Variants in CALY observed in about 807,000 individuals in gnomAD.
CALY encodes calcyon neuron specific vesicular protein.
CALY carries 15 observed loss-of-function variants against 20.2 expected under a neutral mutation model. That is an observed-to-expected ratio of 0.74 (90% CI 0.50 to 1.14). CALY has a LOEUF of 1.14. CALY is among the 50% of genes most tolerant of loss of function. The pLI, the probability that CALY is intolerant of heterozygous loss-of-function variation, is 0.00. For missense variants in CALY, 270 were observed against 304.4 expected, an observed-to-expected ratio of 0.89 and a Z score of 0.84; for synonymous variants, 129 against 131.8, an observed-to-expected ratio of 0.98 and a Z score of 0.15.
chr10:133,327,646 G>T (rs985755591), intron 3 of CALY: 4 of 610,976 alleles, frequency 6.5e-6, no homozygotes, highest in South Asian at 3.8e-5. Flanking sequence ...AGCAGCACTC[G>T]CGGGCACTTC....
chr10:133,330,582 T>C (rs12762134), intron 1 of CALY, among the ~76,000 whole-genome samples: 115,732 of 126,918 alleles, frequency 0.91, 53,041 homozygotes, highest in East Asian at 1. Context: ...GGCGTGAACC[T>C]GGGAGGCGGA....
At chr10:133,334,739 G>A (rs1848401478) in intron 1 of CALY, among the ~76,000 whole-genome samples, 1 of 152,016 alleles carries the variant, frequency 6.6e-6, no homozygotes, top group South Asian at 2.1e-4. Flanking sequence ...TAGGGGATGG[G>A]GGAGGCCACT....
At chr10:133,325,710 G>T in intron 5 of CALY, 89 bp downstream of exon 5, 1 of 565,030 alleles carries the variant, frequency 1.8e-6, no homozygotes, top group Non-Finnish European at 2.5e-6. Flanking sequence ...GAAGGGAAGG[G>T]TGGCGGGGGT....
Position 133,325,823 on chromosome 10 carries a change from G to T in CALY, c.*4C>A. On this transcript the variant is annotated 3_prime_UTR_variant, in exon 5 of 6. Transcript: ENST00000252939. ...CCCCGGGCCGGGCTGCGGGGCTGGA[G>T]ACGTCACTGCGCGGGCGGGGGCGCC... 8.2e-7 allele frequency: 1 copy of T among 1,214,290 alleles called. No homozygotes were observed. Among genetic ancestry groups the T allele is most frequent in the Non-Finnish European group, 1.0e-6 (1 of 976,700 alleles). 75.2% of individuals were successfully genotyped at this position (1,214,290 alleles called of 1,614,324 possible).
Position 133,325,801 on chromosome 10 carries a change from C to A in CALY, c.*26G>T, listed in dbSNP as rs988996128. 8.5e-7 allele frequency: 1 copy of A among 1,181,668 alleles called. No homozygotes were observed. The highest frequency in any genetic ancestry group is 4.2e-5 in the South Asian group (1 of 23,660). 73.2% of individuals were successfully genotyped at this position (1,181,668 alleles called of 1,614,324 possible). A position where few individuals can be genotyped will look rare whatever the true frequency, so the allele number is the denominator to read the frequency against. On this transcript the variant is annotated splice_region_variant and 3_prime_UTR_variant, in exon 5 of 6. Transcript: ENST00000252939. ...GGAGCCCCGCGGCGCGCACCTACCC[C>A]GGGCCGGGCTGCGGGGCTGGAGACG...
chr10:133,325,654 C>A (rs1848189263), intron 5 of CALY, 88 bp from the exon 6 acceptor site: 1 of 381,788 alleles, frequency 2.6e-6, no homozygotes, highest in African/African-American at 2.1e-5. Context: ...CTCGGATTCG[C>A]AACCCCCAAC....
Position 133,324,551 on chromosome 10 carries a change from G to A in CALY, c.*1044C>T, listed in dbSNP as rs1302269394. On this transcript the variant is annotated 3_prime_UTR_variant, in exon 6 of 6. Coordinates refer to ENST00000252939, the MANE Select transcript of CALY (RefSeq NM_015722.4). ...ATTGGCTGGGGTGGGCGGGGCTGCA[G>A]TGCTGCAATTGGCTGGGGTGGGCGG... 1 of 321,982 alleles carries A rather than the reference G, an allele frequency of 3.1e-6. No homozygotes were observed. The highest frequency in any genetic ancestry group is 6.2e-6 in the Non-Finnish European group (1 of 161,004). The allele number at this position is 321,982 out of a possible 1,614,324, so 19.9% of individuals were successfully genotyped here.
At chr10:133,335,174 C>G (rs1848416980) in intron 1 of CALY, among the ~76,000 whole-genome samples, 1 of 152,068 alleles carries the variant, frequency 6.6e-6, no homozygotes, top group African/African-American at 2.4e-5. Context: ...GGAGCTTGGC[C>G]CGCGGGGGTG....
Position 133,326,908 on chromosome 10 carries a change from C to T in CALY, c.330G>A (p.Gln110=), listed in dbSNP as rs1848223151. The T allele has an allele frequency of 6.2e-7, 1 of 1,609,988 alleles. No homozygotes were observed. The highest frequency in any genetic ancestry group is 1.3e-5 in the African/African-American group (1 of 74,928). ...GCAGGAAGCCGTCGGGGCAGGTGAACTGGTCGTACCAGATGGCCTTGTACA... is the reference window on the plus strand; with the variant it reads ...GCAGGAAGCCGTCGGGGCAGGTGAATTGGTCGTACCAGATGGCCTTGTACA... ...LIMYKAIWYD[Q]FTCPDGFLLR... The change falls in exon 4 of 6, where the codon CAG becomes CAA. Residue 110 remains glutamine (Q), a synonymous_variant. Transcript: ENST00000252939.
chr10:133,324,190 A>G lies in CALY; in HGVS notation c.*1405T>C, dbSNP rs1330231192. The stretch of plus-strand genomic sequence containing the variant: ...CCTCCCTTGCAGGCCATCAGGGCCA[A>G]TTCAGTTCTGCGTGTGCTTGTTCAT... On this transcript the variant is annotated 3_prime_UTR_variant, in exon 6 of 6. Transcript: ENST00000252939. The G allele has an allele frequency of 2.8e-6, 1 of 359,938 alleles. No homozygotes were observed. Among genetic ancestry groups the G allele is most frequent in the Non-Finnish European group, 5.6e-6 (1 of 177,390 alleles). The allele number at this position is 359,938 out of a possible 1,614,324, so 22.3% of individuals were successfully genotyped here.
In CALY at chr10:133,324,528, T is replaced by C. The variant is rs1848172083; in HGVS notation, c.*1067A>G. On this transcript the variant is annotated 3_prime_UTR_variant, in exon 6 of 6. Transcript: ENST00000252939. ...GTGGGCGGGGCTGCAGTGCTGCAAT[T>C]GGCTGGGGTGGGCGGGGCTGCAGTG... 3.2e-6 allele frequency: 1 copy of C among 307,716 alleles called. No individual in the cohort carries two copies. The highest frequency in any genetic ancestry group is 2.8e-5 in the African/African-American group (1 of 36,300). The allele number at this position is 307,716 out of a possible 1,614,324, so 19.1% of individuals were successfully genotyped here.
rs763108049 is a variant in CALY, at chr10:133,324,324, C to A, written c.*1271G>T. On this transcript the variant is annotated 3_prime_UTR_variant, in exon 6 of 6. Transcript: ENST00000252939. ...AGCTCACCATGGCTTCCCTGGCAGGCCCAGTTCACAGGCTTCCTGGGCACT... is the reference window on the plus strand; with the variant it reads ...AGCTCACCATGGCTTCCCTGGCAGGACCAGTTCACAGGCTTCCTGGGCACT... 2.2e-6 allele frequency: 1 copy of A among 455,636 alleles called. No homozygotes were observed. The highest frequency in any genetic ancestry group is 4.4e-6 in the Non-Finnish European group (1 of 226,818). 28.2% of individuals were successfully genotyped at this position (455,636 alleles called of 1,614,324 possible). A position where few individuals can be genotyped will look rare whatever the true frequency, so the allele number is the denominator to read the frequency against.
chr10:133,333,311 C>T (rs1216292364), intron 1 of CALY, among the ~76,000 whole-genome samples: 31 of 77,816 alleles, frequency 4.0e-4, no homozygotes, highest in African/African-American at 1.4e-3. Flanking sequence ...GGGAAGGATC[C>T]GAGGGGTGAG....
chr10:133,332,860 G>A (rs1247764704), intron 1 of CALY, among the ~76,000 whole-genome samples: 4 of 152,114 alleles, frequency 2.6e-5, no homozygotes, highest in Non-Finnish European at 4.4e-5. Context: ...TGAAACCCAA[G>A]GATTGCTTGG....
In CALY at chr10:133,329,392, C is replaced by CTTTTTTTT. The variant is rs112012967; in HGVS notation, c.-20-391_-20-384dup. ...TCTTATTCTCCTTCTTCTTCTTCTT[C>CTTTTTTTT]TTTTTTTTTTTTGAGACAGGATCTT... On this transcript the variant is annotated intron_variant, in intron 1 of 5. Coordinates refer to ENST00000252939, the MANE Select transcript of CALY (RefSeq NM_015722.4). 1.8e-3 allele frequency among the ~76,000 whole-genome samples: 251 copies of CTTTTTTTT among 137,436 alleles called. 2 individuals are homozygous for CTTTTTTTT. The highest frequency in any genetic ancestry group is 7.1e-3 in the African/African-American group (244 of 34,526). 90.2% of individuals were successfully genotyped at this position (137,436 alleles called of 152,430 possible). A position where few individuals can be genotyped will look rare whatever the true frequency, so the allele number is the denominator to read the frequency against.
chr10:133,327,319 A>G (rs1037028500), intron 3 of CALY: 2 of 496,392 alleles, frequency 4.0e-6, no homozygotes, highest in Non-Finnish European at 7.2e-6. Context: ...ATGGGGCCGC[A>G]GCCTCAGGGG....
At chr10:133,327,391 A>G in intron 3 of CALY, 1 of 473,870 alleles carries the variant, frequency 2.1e-6, no homozygotes, top group Non-Finnish European at 3.7e-6. Context: ...CATGTGTGGT[A>G]ACATGAGCTG....
chr10:133,326,806 G>A (rs1848220503), intron 4 of CALY, 72 bp downstream of exon 4: 1 of 974,180 alleles, frequency 1.0e-6, no homozygotes, highest in Non-Finnish European at 1.6e-6. Context: ...AGACACCCCT[G>A]CCACCCCCTG....
intron 1 of CALY, among the ~76,000 whole-genome samples, chr10:133,335,624 AC>A (rs944251546): frequency 1.3e-5 from 2 of 151,478 alleles, no homozygotes; most frequent in South Asian, 4.2e-4. Context: ...GTGGGGTCCA[AC>A]CCCCCCACCC....
Sources: gnomAD v4.1 joint callset for allele counts (sites outside exome capture counted in the v4.1 genomes callset) on GRCh38, gnomAD v4.1.1 for gene constraint, MANE v1.5 for transcripts, NCBI Gene and HGNC (gene_info 2026-07-23, HGNC 2026-07-21) for gene names.